ADK: variants seen among roughly 807,000 people sequenced by gnomAD.
ADK encodes adenosine kinase.
A neutral mutation model predicts 44.7 loss-of-function variants in ADK; 24 were observed. The ratio of observed to expected loss-of-function variants is 0.54; its 90% CI spans 0.39 to 0.76. The LOEUF is 0.76. Among genes scored for constraint, ADK ranks in the 30% least tolerant of loss-of-function variants. The pLI is 0.00. For synonymous variants in ADK, 128 were observed against 142.6 expected, an observed-to-expected ratio of 0.90 and a Z score of 0.73; for missense variants, 321 against 425.1, an observed-to-expected ratio of 0.76 and a Z score of 2.15.
intron 7 of ADK, among the ~76,000 whole-genome samples, chr10:74,558,239 C>G (rs1433956558): frequency 6.6e-6 from 1 of 152,054 alleles, no homozygotes; most frequent in Non-Finnish European, 1.5e-5. Flanking sequence ...ATTCTGTTGC[C>G]CAGGCTGGAG....
intron 1 of ADK, among the ~76,000 whole-genome samples, chr10:74,199,266 T>G (rs7094239): frequency 0.74 from 111,907 of 151,906 alleles, 41,918 homozygotes; most frequent in Middle Eastern, 0.85. Context: ...TGAAGTTTGG[T>G]TTTGTAATGA....
intron 1 of ADK, among the ~76,000 whole-genome samples, chr10:74,162,449 A>G (rs1841928703): frequency 2.0e-5 from 3 of 151,844 alleles, no homozygotes; most frequent in Admixed American, 2.0e-4. Flanking sequence ...TTTTTTGTTA[A>G]ATGGAGTGAG....
At chr10:74,371,630 CCAGATGGAA>C in intron 4 of ADK, 1 of 1,001,800 alleles carries the variant, frequency 1.0e-6, no homozygotes, top group Non-Finnish European at 1.6e-6. Flanking sequence ...ATCTTGACTT[CCAGATGGAA>C]CAGTACATCT....
chr10:74,283,660 G>T (rs1591983299), intron 3 of ADK, among the ~76,000 whole-genome samples: 1 of 132,710 alleles, frequency 7.5e-6, no homozygotes, highest in Admixed American at 7.7e-5. Flanking sequence ...ATGAGACGGA[G>T]TTTCGCTCTT....
intron 10 of ADK, among the ~76,000 whole-genome samples, chr10:74,681,849 CAA>C (rs34381749): frequency 3.5e-3 from 322 of 93,106 alleles, no homozygotes; most frequent in Admixed American, 5.3e-3. Context: ...GACTCCATCT[CAA>C]AAAAAAAAAA....
In ADK at chr10:74,323,732, G is replaced by A. The variant is rs563323622; in HGVS notation, c.273+8987G>A. Among the ~76,000 whole-genome samples, 22 of 151,334 alleles carry A rather than the reference G, an allele frequency of 1.5e-4. No homozygotes were observed. The South Asian group carries it at 3.8e-3, about 26-fold the overall frequency. The stretch of plus-strand genomic sequence containing the variant: ...ACTACAGGCACCCGCCACTGCACCC[G>A]GCTAATTTTTTGCATTTTTAGTAGA... On this transcript the variant is annotated intron_variant, in intron 4 of 10. Transcript: ENST00000539909.
intron 4 of ADK, among the ~76,000 whole-genome samples, chr10:74,385,544 A>T (rs1403946716): frequency 6.6e-6 from 1 of 152,222 alleles, no homozygotes; most frequent in Non-Finnish European, 1.5e-5. Context: ...TTTATCCATT[A>T]TTAATTACAA....
At chr10:74,466,991 A>C (rs1846380214) in intron 6 of ADK, among the ~76,000 whole-genome samples, 2 of 152,156 alleles carry the variant, frequency 1.3e-5, no homozygotes, top group Admixed American at 1.3e-4. Context: ...ACATGTTTGT[A>C]TTGCCATGTA....
rs76342662 is a variant in ADK at position 74,259,333 on chromosome 10, G to A, written c.194+34742G>A. On this transcript the variant is annotated intron_variant, in intron 3 of 10. Transcript: ENST00000539909. The stretch of plus-strand genomic sequence containing the variant: ...AGAATTATGTTAAATAAGATGATTA[G>A]ATATAATTAACTCAAAAATCTTTAG... Among the ~76,000 whole-genome samples, 356 of 151,736 alleles carry A rather than the reference G, an allele frequency of 2.3e-3. 1 individual carries two copies. Among genetic ancestry groups the A allele is most frequent in the African/African-American group, 7.6e-3 (314 of 41,396 alleles).
chr10:74,290,117 T>C (rs1281644543), intron 3 of ADK, among the ~76,000 whole-genome samples: 1 of 138,864 alleles, frequency 7.2e-6, no homozygotes, highest in Non-Finnish European at 1.6e-5. Context: ...CACACTCACA[T>C]AGGGGTTCAA....
At chr10:74,438,293 C>T (rs1052693168) in intron 6 of ADK, among the ~76,000 whole-genome samples, 17 of 151,500 alleles carry the variant, frequency 1.1e-4, no homozygotes, top group African/African-American at 3.4e-4. Context: ...GACGCCATCT[C>T]GGCTCACTGC....
intron 10 of ADK, among the ~76,000 whole-genome samples, chr10:74,674,886 A>AATT (rs1554896329): frequency 1.3e-5 from 2 of 150,520 alleles, no homozygotes; most frequent in African/African-American, 4.9e-5. Context: ...TGTCTCAAAA[A>AATT]AATTAATTAA....
chr10:74,695,620 GTGTGTGTGT>G (rs1304518674), intron 10 of ADK, among the ~76,000 whole-genome samples: 14 of 126,182 alleles, frequency 1.1e-4, no homozygotes, highest in South Asian at 1.1e-3. Flanking sequence ...TATGTGTGGG[GTGTGTGTGT>G]GTGTGTGTGT....
chr10:74,394,108 C>G (rs1434322643), intron 4 of ADK, 33 bp from the exon 5 acceptor site: 1 of 1,610,054 alleles, frequency 6.2e-7, no homozygotes, highest in Admixed American at 1.7e-5. Context: ...CATTTTTTTG[C>G]CCCATTAAAT....
At chr10:74,242,726 C>T (rs912360060) in intron 3 of ADK, among the ~76,000 whole-genome samples, 1 of 152,168 alleles carries the variant, frequency 6.6e-6, no homozygotes, top group African/African-American at 2.4e-5. Context: ...TTGAATGTTG[C>T]CTTTTCCAAA....
At chr10:74,190,359 A>G (rs1250474390) in intron 1 of ADK, among the ~76,000 whole-genome samples, 4 of 152,158 alleles carry the variant, frequency 2.6e-5, no homozygotes. Context: ...GCCGAGCTTC[A>G]TGCTCAGTCA....
At chr10:74,510,479 A>T (rs117816443) in intron 6 of ADK, among the ~76,000 whole-genome samples, 11 of 152,270 alleles carry the variant, frequency 7.2e-5, no homozygotes, top group Non-Finnish European at 1.5e-4. Flanking sequence ...TGTTATGAAT[A>T]GTTTGCAAAT....
chr10:74,663,265 A>ATATG (rs1049163665), intron 9 of ADK, among the ~76,000 whole-genome samples: 2 of 143,540 alleles, frequency 1.4e-5, no homozygotes, highest in South Asian at 2.2e-4. Flanking sequence ...ATATATATAT[A>ATATG]TATGTATCTC....
Position 74,664,877 on chromosome 10 carries a change from T to C in ADK, c.878-5306T>C, listed in dbSNP as rs536328384. 3.9e-5 allele frequency among the ~76,000 whole-genome samples: 6 copies of C among 152,258 alleles called. No individual in the cohort carries two copies. In the South Asian group the frequency reaches 1.0e-3, roughly 26 times the overall value. ...AAGTAATATGTGATTCTGGACTGAA[T>C]TCTATACCAGATGAAAAATATTGCT... On this transcript the variant is annotated intron_variant, in intron 9 of 10. Coordinates refer to ENST00000539909, the MANE Select transcript of ADK (RefSeq NM_006721.4).
Sources: allele counts gnomAD v4.1 joint callset (sites outside exome capture counted in the v4.1 genomes callset), GRCh38; gene constraint gnomAD v4.1.1; transcripts MANE v1.5; gene names NCBI Gene and HGNC (gene_info 2026-07-23, HGNC 2026-07-21).